RPS6KC1: variants seen among roughly 807,000 people sequenced by gnomAD.
RPS6KC1 encodes inactive ribosomal protein S6 kinase delta-1.
A neutral mutation model predicts 103.8 loss-of-function variants in RPS6KC1; 54 were observed. That is an observed-to-expected ratio of 0.52 (90% CI 0.42 to 0.65). RPS6KC1 has a LOEUF of 0.65. RPS6KC1 is among the 30% of genes least tolerant of loss of function. The pLI, the probability that RPS6KC1 is intolerant of heterozygous loss-of-function variation, is 0.00. For synonymous variants in RPS6KC1, 439 were observed against 438.7 expected (o/e 1.00, Z -0.01); for missense variants, 1,151 against 1,253.8 (o/e 0.92, Z 1.24).
At chr1:213,515,398 A>T in the RPS6KC1 span, among the ~76,000 whole-genome samples, 3 of 152,188 alleles carry the variant, frequency 2.0e-5, no homozygotes, top group Non-Finnish European at 2.9e-5. Flanking sequence ...TCTTGAATTA[A>T]TTTTTGTATA....
At chr1:213,175,166 T>G (rs919545386) in intron 7 of RPS6KC1, among the ~76,000 whole-genome samples, 2 of 152,140 alleles carry the variant, frequency 1.3e-5, no homozygotes, top group African/African-American at 2.4e-5. Flanking sequence ...ATTCCCTCCT[T>G]TCTCTCTCCT....
rs189435850 is a variant in RPS6KC1 at position 213,192,494 on chromosome 1, A to T, written c.1044+16002A>T. The stretch of plus-strand genomic sequence containing the variant: ...TTTGGGATAATTCAGCAGTGAAGCC[A>T]TTGGGACCTGGGCTTCTCTTGCTAG... On this transcript the variant is annotated intron_variant, in intron 8 of 14. Coordinates refer to ENST00000366960, the MANE Select transcript of RPS6KC1 (RefSeq NM_012424.6). Among the ~76,000 whole-genome samples, 4 of 152,280 alleles carry T rather than the reference A, an allele frequency of 2.6e-5. No individual in the cohort carries two copies. The East Asian group carries it at 5.8e-4, about 22-fold the overall frequency.
intron 5 of RPS6KC1, among the ~76,000 whole-genome samples, chr1:213,128,330 T>C (rs1384233387): frequency 6.6e-6 from 1 of 152,216 alleles, no homozygotes. Flanking sequence ...ATAAAAATTA[T>C]GTTAACATGT....
At chr1:213,268,232 A>G (rs987068969) in intron 14 of RPS6KC1, among the ~76,000 whole-genome samples, 2 of 151,996 alleles carry the variant, frequency 1.3e-5, no homozygotes, top group African/African-American at 4.8e-5. Context: ...ATGTCTAACT[A>G]ATTATCAAAA....
chr1:213,804,422 C>A, the RPS6KC1 span, among the ~76,000 whole-genome samples: 9 of 152,242 alleles, frequency 5.9e-5, no homozygotes, highest in Non-Finnish European at 5.9e-5. Context: ...ACACTCCAGG[C>A]ACTCTCAGGC....
At chr1:213,208,581 A>T (rs2093419789) in intron 8 of RPS6KC1, among the ~76,000 whole-genome samples, 1 of 152,076 alleles carries the variant, frequency 6.6e-6, no homozygotes, top group African/African-American at 2.4e-5. Flanking sequence ...TGCATGTTTT[A>T]TCTCTTGGGC....
At chr1:213,493,593 C>T in the RPS6KC1 span, among the ~76,000 whole-genome samples, 1 of 152,184 alleles carries the variant, frequency 6.6e-6, no homozygotes, top group African/African-American at 2.4e-5. Context: ...TTCCCTTCCC[C>T]TTGCCTCTGG....
At chr1:213,095,705 T>C in intron 3 of RPS6KC1, among the ~76,000 whole-genome samples, 1 of 152,248 alleles carries the variant, frequency 6.6e-6, no homozygotes, top group East Asian at 1.9e-4. Flanking sequence ...TTTGGTTTCC[T>C]AGTACATATA....
At chr1:213,541,850 G>T in the RPS6KC1 span, among the ~76,000 whole-genome samples, 6,897 of 152,190 alleles carry the variant, frequency 0.045, 513 homozygotes, top group African/African-American at 0.16. Context: ...TACTGGAAAG[G>T]TTACCTTTGA....
At chr1:213,710,197 T>C in the RPS6KC1 span, among the ~76,000 whole-genome samples, 11 of 152,250 alleles carry the variant, frequency 7.2e-5, no homozygotes, top group African/African-American at 2.7e-4. Flanking sequence ...ATCTGGGTGC[T>C]CCTGTATTGG....
chr1:213,381,534 A>C, the RPS6KC1 span, among the ~76,000 whole-genome samples: 1 of 151,894 alleles, frequency 6.6e-6, no homozygotes, highest in Admixed American at 6.6e-5. Flanking sequence ...GATCTGCTGA[A>C]ATGCACCTTA....
At chr1:213,564,168 C>A in the RPS6KC1 span, among the ~76,000 whole-genome samples, 1 of 152,112 alleles carries the variant, frequency 6.6e-6, no homozygotes, top group Admixed American at 6.5e-5. Context: ...AAGAGAAAAT[C>A]GTTTTTAGTC....
At chr1:213,073,636 C>CT (rs1362433656) in intron 2 of RPS6KC1, among the ~76,000 whole-genome samples, 1 of 151,724 alleles carries the variant, frequency 6.6e-6, no homozygotes, top group Non-Finnish European at 1.5e-5. Flanking sequence ...CTTTTAAATC[C>CT]TTTTTTAAAA....
the RPS6KC1 span, among the ~76,000 whole-genome samples, chr1:213,442,211 A>G: frequency 2.0e-5 from 3 of 152,214 alleles, no homozygotes; most frequent in Non-Finnish European, 2.9e-5. Context: ...TGCCTCTCCA[A>G]TTATGGTATT....
At chr1:213,816,064 C>G in the RPS6KC1 span, among the ~76,000 whole-genome samples, 2 of 152,322 alleles carry the variant, frequency 1.3e-5, no homozygotes, top group African/African-American at 4.8e-5. Flanking sequence ...GCAGTCAGAA[C>G]ACACAACATT....
chr1:213,413,163 A>G, the RPS6KC1 span, among the ~76,000 whole-genome samples: 1 of 152,228 alleles, frequency 6.6e-6, no homozygotes, highest in South Asian at 2.1e-4. Context: ...ATACATATTT[A>G]TGGGATATAT....
the RPS6KC1 span, among the ~76,000 whole-genome samples, chr1:213,798,372 G>A: frequency 1.3e-5 from 2 of 152,202 alleles, no homozygotes; most frequent in East Asian, 1.9e-4. Flanking sequence ...AGCAGGCCAA[G>A]TGGCTTCCCC....
the RPS6KC1 span, among the ~76,000 whole-genome samples, chr1:213,549,242 G>T: frequency 1.3e-5 from 2 of 152,160 alleles, no homozygotes; most frequent in African/African-American, 4.8e-5. Context: ...TCAAGCAATG[G>T]ATCACCAGGG....
chr1:213,626,130 T>C, the RPS6KC1 span, among the ~76,000 whole-genome samples: 1 of 152,236 alleles, frequency 6.6e-6, no homozygotes, highest in Non-Finnish European at 1.5e-5. Flanking sequence ...TTCTAACTGG[T>C]GTGAGGTGGT....
Sources: gnomAD v4.1 joint callset for allele counts (sites outside exome capture counted in the v4.1 genomes callset) on GRCh38, gnomAD v4.1.1 for gene constraint, MANE v1.5 for transcripts, NCBI Gene and HGNC (gene_info 2026-07-23, HGNC 2026-07-21) for gene names.